Variants in CLMP observed in about 807,000 individuals in gnomAD.
The protein encoded by CLMP is CXADR like cell adhesion molecule, also known as CXADR-like membrane protein.
CLMP carries 27 observed loss-of-function variants against 45.2 expected under a neutral mutation model. The observed-to-expected ratio is 0.60, with a 90% CI of 0.44 to 0.82. The LOEUF (loss-of-function observed/expected upper bound fraction) is 0.82. Among genes scored for constraint, CLMP ranks in the 40% least tolerant of loss-of-function variants. The probability of loss-of-function intolerance (pLI) is 0.00; values close to 1 mark genes in which losing one functional copy is unlikely to be tolerated. For missense variants in CLMP, 403 were observed against 448.4 expected (o/e 0.90, Z 0.91); for synonymous variants, 167 against 171.4 (o/e 0.97, Z 0.20).
rs549671887 is a variant in CLMP at position 123,177,214 on chromosome 11, C to G, written c.28+17699G>C. Among the ~76,000 whole-genome samples, 3 of 152,256 alleles carry G rather than the reference C, an allele frequency of 2.0e-5. No homozygotes were observed. In the South Asian group the frequency reaches 6.2e-4, roughly 32 times the overall value. On this transcript the variant is annotated intron_variant, in intron 1 of 6. Transcript: ENST00000448775. ...GCTTCTGTCTGAATTCAGAGCCCTT[C>G]CCTCAAAATCCTCACTGCTTTGGGG...
At chr11:123,189,405 G>A (rs1861876610) in intron 1 of CLMP, among the ~76,000 whole-genome samples, 2 of 152,264 alleles carry the variant, frequency 1.3e-5, no homozygotes, top group East Asian at 1.9e-4. Flanking sequence ...TTACTTCTCT[G>A]AGCCTCCATT....
At chr11:123,175,314 G>C (rs1364127020) in intron 1 of CLMP, among the ~76,000 whole-genome samples, 1 of 152,134 alleles carries the variant, frequency 6.6e-6, no homozygotes, top group African/African-American at 2.4e-5. Context: ...AGAGAGAGAA[G>C]AGCAAAGAAG....
At chr11:123,091,517 C>T (rs1464013808) in intron 2 of CLMP, among the ~76,000 whole-genome samples, 4 of 152,190 alleles carry the variant, frequency 2.6e-5, no homozygotes, top group Non-Finnish European at 5.9e-5. Context: ...TCTCAGATTT[C>T]GACAACCCAA....
intron 1 of CLMP, among the ~76,000 whole-genome samples, chr11:123,174,344 T>C (rs1408710001): frequency 1.3e-4 from 20 of 152,226 alleles, no homozygotes; most frequent in Non-Finnish European, 2.9e-5. Context: ...TTCTGATTGT[T>C]TCCTTCCTTC....
rs375525496 is a variant in CLMP, at chr11:123,141,848, C to T, written c.29-43896G>A. The stretch of plus-strand genomic sequence containing the variant: ...ATCTCGCCCCCCAAAACATGGTGAA[C>T]GTTTTATAACTCCTTCGCTTTTGTA... On this transcript the variant is annotated intron_variant, in intron 1 of 6. Transcript: ENST00000448775. Among the ~76,000 whole-genome samples, 35 of 152,192 alleles carry T rather than the reference C, an allele frequency of 2.3e-4. No individual in the cohort carries two copies. In the East Asian group the frequency reaches 2.9e-3, roughly 13 times the overall value.
chr11:123,136,256 A>G (rs908474319), intron 1 of CLMP: 36 of 652,020 alleles, frequency 5.5e-5, no homozygotes, highest in Non-Finnish European at 9.5e-5. Context: ...TTTTTCCACC[A>G]TAGATCCCGA....
At position 123,072,434 on chromosome 11, in the gene CLMP, G is replaced by A. The variant is rs1023808928; in HGVS notation, c.*1040C>T. 1.1e-4 allele frequency: 17 copies of A among 151,752 alleles called. No homozygotes were observed. Among genetic ancestry groups the A allele is most frequent in the East Asian group, 1.9e-4 (1 of 5,182 alleles). The allele number at this position is 151,752 out of a possible 1,614,324, so 9.4% of individuals were successfully genotyped here. A position where few individuals can be genotyped will look rare whatever the true frequency, so the allele number is the denominator to read the frequency against. On this transcript the variant is annotated 3_prime_UTR_variant, in exon 7 of 7. Coordinates refer to ENST00000448775, the MANE Select transcript of CLMP (RefSeq NM_024769.5). ...CCTACAGGTGCCTGGCACCATGCCC[G>A]GCTACCTTCCTTGACATATTAAGAG...
At chr11:123,191,941 A>C (rs1401702054) in intron 1 of CLMP, among the ~76,000 whole-genome samples, 1 of 152,190 alleles carries the variant, frequency 6.6e-6, no homozygotes, top group Non-Finnish European at 1.5e-5. Context: ...GGCTATTGGG[A>C]TTCAAAGGTC....
At chr11:123,150,466 A>G (rs1041519263) in intron 1 of CLMP, among the ~76,000 whole-genome samples, 2 of 106,450 alleles carry the variant, frequency 1.9e-5, no homozygotes, top group Non-Finnish European at 4.2e-5. Flanking sequence ...AAAGAAAGAA[A>G]GAAAGAAAGA....
chr11:123,097,864 C>T lies in CLMP; in HGVS notation c.117G>A (p.Leu39=). 1.2e-6 allele frequency: 2 copies of T among 1,610,926 alleles called. No individual in the cohort carries two copies. Among genetic ancestry groups the T allele is most frequent in the Non-Finnish European group, 1.7e-6 (2 of 1,178,646 alleles). The part of the protein sequence containing the change: ...EKVTLPCHHQ[L]GLPEKDTLDI... ...CCAGAGTGTCTTTTTCTGGAAGCCC[C>T]AGTTGATGGTGGCAGGGCAAAGTGA... The change falls in exon 2 of 7, where the codon CTG becomes CTA. Residue 39 remains leucine (L), a synonymous_variant. Coordinates refer to ENST00000448775, the MANE Select transcript of CLMP (RefSeq NM_024769.5).
intron 1 of CLMP, among the ~76,000 whole-genome samples, chr11:123,130,253 GC>G (rs1860966282): frequency 6.6e-6 from 1 of 152,196 alleles, no homozygotes; most frequent in Non-Finnish European, 1.5e-5. Context: ...GGATGTAACT[GC>G]CCCGAGAGGC....
intron 1 of CLMP, among the ~76,000 whole-genome samples, chr11:123,102,066 C>T (rs1269618685): frequency 1.3e-5 from 2 of 151,976 alleles, no homozygotes; most frequent in African/African-American, 4.8e-5. Flanking sequence ...AGCCTGTAGT[C>T]CCAGCTACTT....
intron 1 of CLMP, among the ~76,000 whole-genome samples, chr11:123,145,859 C>T (rs1861230957): frequency 6.6e-6 from 1 of 152,198 alleles, no homozygotes; most frequent in South Asian, 2.1e-4. Flanking sequence ...TTGATAAGTG[C>T]ACTAGGAAAT....
At chr11:123,187,316 G>A (rs1390104480) in intron 1 of CLMP, among the ~76,000 whole-genome samples, 1 of 152,250 alleles carries the variant, frequency 6.6e-6, no homozygotes, top group Non-Finnish European at 1.5e-5. Flanking sequence ...CCCTTGAAGA[G>A]TGATTGGAAA....
intron 1 of CLMP, among the ~76,000 whole-genome samples, chr11:123,141,858 C>T (rs1407138649): frequency 2.6e-5 from 4 of 152,090 alleles, no homozygotes; most frequent in African/African-American, 9.7e-5. Context: ...CGTTTTATAA[C>T]TCCTTCGCTT....
chr11:123,139,914 G>C (rs1467038860), intron 1 of CLMP, among the ~76,000 whole-genome samples: 1 of 152,186 alleles, frequency 6.6e-6, no homozygotes, highest in African/African-American at 2.4e-5. Context: ...AATAGATGCT[G>C]TCTGTCCGAT....
chr11:123,183,792 G>A (rs574544323), intron 1 of CLMP, among the ~76,000 whole-genome samples: 1 of 152,288 alleles, frequency 6.6e-6, no homozygotes, highest in Admixed American at 6.5e-5. Flanking sequence ...GTGCTGGGGT[G>A]GGGATGAAAC....
intron 5 of CLMP, among the ~76,000 whole-genome samples, chr11:123,077,801 A>AT (rs974873521): frequency 3.3e-5 from 5 of 152,242 alleles, no homozygotes; most frequent in Admixed American, 1.3e-4. Context: ...GTCACTTTCA[A>AT]TTTTTCACAA....
intron 1 of CLMP, among the ~76,000 whole-genome samples, chr11:123,139,614 C>T (rs2135515776): frequency 6.6e-6 from 1 of 152,208 alleles, no homozygotes; most frequent in East Asian, 1.9e-4. Flanking sequence ...ATCACAAGGT[C>T]AGGAGTTAGA....
Sources: gnomAD v4.1 joint callset for allele counts (sites outside exome capture counted in the v4.1 genomes callset) on GRCh38, gnomAD v4.1.1 for gene constraint, MANE v1.5 for transcripts, NCBI Gene and HGNC (gene_info 2026-07-23, HGNC 2026-07-21) for gene names.